The following NEK10 variants were observed in gnomAD, a reference collection of about 807,000 sequenced individuals.
NEK10 encodes the protein NIMA related kinase 10, also known as serine/threonine-protein kinase Nek10.
NEK10 carries 122 observed loss-of-function variants against 159.8 expected under a neutral mutation model. The observed-to-expected ratio is 0.76, with a 90% CI of 0.66 to 0.89. The LOEUF is 0.89. NEK10 is among the 40% of genes least tolerant of loss of function. The probability of loss-of-function intolerance (pLI) is 0.00; values close to 1 mark genes in which losing one functional copy is unlikely to be tolerated. For missense variants in NEK10, 1,342 were observed against 1,323.1 expected (o/e 1.01, Z -0.22); for synonymous variants, 466 against 457.1 (o/e 1.02, Z -0.25).
chr3:27,292,936 C>T (rs1382691255), intron 16 of NEK10, among the ~76,000 whole-genome samples: 1 of 152,118 alleles, frequency 6.6e-6, no homozygotes, highest in African/African-American at 2.4e-5. Context: ...ACTATATTAA[C>T]TCAATACTTT....
intron 3 of NEK10, 67 bp from the exon 4 acceptor site, chr3:27,346,283 A>C (rs2047550086): frequency 2.0e-6 from 3 of 1,536,310 alleles, no homozygotes; most frequent in Non-Finnish European, 1.8e-6. Flanking sequence ...AAGTAACAAA[A>C]TATGGGGAGG....
intron 32 of NEK10, among the ~76,000 whole-genome samples, chr3:27,129,566 T>C (rs969389574): frequency 2.6e-5 from 4 of 152,160 alleles, no homozygotes; most frequent in African/African-American, 9.7e-5. Context: ...CATTTAAGTT[T>C]AGATGAAGGC....
At chr3:27,162,601 G>C in intron 30 of NEK10, 100 bp downstream of exon 30, 1 of 1,614,052 alleles carries the variant, frequency 6.2e-7, no homozygotes, top group Non-Finnish European at 8.5e-7. Flanking sequence ...AGGCAGCAAA[G>C]CTGAAGAAAT....
intron 30 of NEK10, among the ~76,000 whole-genome samples, chr3:27,154,461 C>A (rs1451016962): frequency 6.6e-6 from 1 of 152,104 alleles, no homozygotes. Flanking sequence ...GCCAGCATCG[C>A]CCTAATACCA....
intron 5 of NEK10, among the ~76,000 whole-genome samples, chr3:27,338,198 T>A (rs931901916): frequency 6.6e-6 from 1 of 152,222 alleles, no homozygotes; most frequent in Non-Finnish European, 1.5e-5. Flanking sequence ...TTTGGTTTTC[T>A]GTCCTTGTAA....
At chr3:27,227,182 C>T (rs1003138720) in intron 23 of NEK10, among the ~76,000 whole-genome samples, 3 of 152,050 alleles carry the variant, frequency 2.0e-5, no homozygotes, top group African/African-American at 7.2e-5. Context: ...TAGAAGCAAA[C>T]TAATGGAGGT....
intron 29 of NEK10, 138 bp downstream of exon 29, chr3:27,171,681 C>T (rs1054897823): frequency 2.6e-4 from 197 of 753,998 alleles, no homozygotes; most frequent in Admixed American, 3.6e-4. Flanking sequence ...GAACTATAAA[C>T]AGTTCTGGGC....
At chr3:27,112,913 T>C (rs1939783138) in intron 35 of NEK10, among the ~76,000 whole-genome samples, 1 of 152,170 alleles carries the variant, frequency 6.6e-6, no homozygotes, top group African/African-American at 2.4e-5. Flanking sequence ...CCATCCTTTG[T>C]GGAAAAAAGC....
chr3:27,172,333 CAAAAAAAAA>C (rs57112652), intron 28 of NEK10, among the ~76,000 whole-genome samples: 2 of 63,018 alleles, frequency 3.2e-5, no homozygotes, highest in Non-Finnish European at 5.7e-5. Flanking sequence ...GACCCCGTCT[CAAAAAAAAA>C]AAAAAAAAAA....
chr3:27,237,454 A>G (rs934952515), intron 23 of NEK10, among the ~76,000 whole-genome samples: 4 of 152,170 alleles, frequency 2.6e-5, no homozygotes, highest in African/African-American at 7.2e-5. Flanking sequence ...AGAAATTATA[A>G]AAGTATTAAT....
At chr3:27,319,836 T>C (rs1042875663) in intron 6 of NEK10, among the ~76,000 whole-genome samples, 17 of 152,118 alleles carry the variant, frequency 1.1e-4, no homozygotes, top group Admixed American at 4.6e-4. Context: ...CAGAGGATGA[T>C]ATAATTTGAT....
rs186188594 is a variant in NEK10 at position 27,216,186 on chromosome 3, A to G, written c.2091-13629T>C. On this transcript the variant is annotated intron_variant, in intron 23 of 35. Coordinates refer to ENST00000691995, the MANE Select transcript of NEK10 (RefSeq NM_001394966.1). ...TTTGTGAATGGGGTCATTGAGAAAG[A>G]AAAGAAACAGAAAGAAAAGAACCCC... Among the ~76,000 whole-genome samples, 163 of 152,352 alleles carry G rather than the reference A, an allele frequency of 1.1e-3. 1 individual carries two copies. Among genetic ancestry groups the G allele is most frequent in the African/African-American group, 3.8e-3 (159 of 41,590 alleles).
chr3:27,222,950 T>C (rs1281082192), intron 23 of NEK10, among the ~76,000 whole-genome samples: 3 of 152,014 alleles, frequency 2.0e-5, no homozygotes, highest in Non-Finnish European at 4.4e-5. Context: ...TTTGGCAACA[T>C]GACCTTAAAT....
intron 23 of NEK10, among the ~76,000 whole-genome samples, chr3:27,218,602 C>T (rs1459120401): frequency 1.8e-5 from 2 of 111,466 alleles, no homozygotes; most frequent in Admixed American, 2.0e-4. Flanking sequence ...AAGTCTCCAT[C>T]TCAAAAAAAA....
At chr3:27,215,803 G>A in intron 23 of NEK10, 1 of 717,266 alleles carries the variant, frequency 1.4e-6, no homozygotes, top group Non-Finnish European at 2.6e-6. Flanking sequence ...TCCAATGATA[G>A]CAGAAGGCAA....
chr3:27,290,712 C>T lies in NEK10; in HGVS notation c.1648G>A (p.Val550Ile). The T allele has an allele frequency of 6.2e-7, 1 of 1,608,612 alleles. No individual in the cohort carries two copies. The highest frequency in any genetic ancestry group is 8.5e-7 in the Non-Finnish European group (1 of 1,175,968). Residue 550 changes from valine to isoleucine, a missense_variant, in exon 19 of 36, where the codon GTC becomes ATC. Coordinates refer to ENST00000691995, the MANE Select transcript of NEK10 (RefSeq NM_001394966.1). ...SGQNLLAMKE[V>I]NLHNPAFGKD... ...CCAAATGCTGGGTTATGTAAATTGACCTCTTTCATTGCTAAAAGATTTTGA... is the reference window on the plus strand; with the variant it reads ...CCAAATGCTGGGTTATGTAAATTGATCTCTTTCATTGCTAAAAGATTTTGA...
At chr3:27,188,381 T>C (rs1008045695) in intron 26 of NEK10, among the ~76,000 whole-genome samples, 15 of 152,238 alleles carry the variant, frequency 9.9e-5, no homozygotes, top group African/African-American at 3.6e-4. Flanking sequence ...AGCTTCACTA[T>C]ACCAAGCATA....
chr3:27,366,225 G>A (rs1013012058), intron 1 of NEK10, among the ~76,000 whole-genome samples: 13 of 152,136 alleles, frequency 8.5e-5, no homozygotes, highest in African/African-American at 3.1e-4. Flanking sequence ...CTGAGGTGCA[G>A]AAAGATTAAG....
At chr3:27,183,184 T>C (rs1413043877) in intron 26 of NEK10, among the ~76,000 whole-genome samples, 1 of 151,880 alleles carries the variant, frequency 6.6e-6, no homozygotes, top group Admixed American at 6.6e-5. Context: ...ATTTCACATG[T>C]ACACCATAAA....
Sources: allele counts gnomAD v4.1 joint callset (sites outside exome capture counted in the v4.1 genomes callset), GRCh38; gene constraint gnomAD v4.1.1; transcripts MANE v1.5; gene names NCBI Gene and HGNC (gene_info 2026-07-23, HGNC 2026-07-21).